Variants in OTOA observed in about 807,000 individuals in gnomAD.
OTOA encodes cancer/testis antigen 108.
In OTOA, 70 loss-of-function variants were observed where a neutral mutation model predicts 110.8. That is an observed-to-expected ratio of 0.63 (90% CI 0.52 to 0.77). The LOEUF (loss-of-function observed/expected upper bound fraction) is 0.77, where lower values mean the gene tolerates loss of function less well. Ranked by LOEUF, OTOA falls within the 30% of genes least tolerant of loss-of-function variation. The pLI is 0.00. For synonymous variants in OTOA, 373 were observed against 431.5 expected, an observed-to-expected ratio of 0.86 and a Z score of 1.68; for missense variants, 917 against 1,075.8, an observed-to-expected ratio of 0.85 and a Z score of 2.06.
At chr16:21,714,562 A>G (rs1434334304) in intron 13 of OTOA, among the ~76,000 whole-genome samples, 1 of 146,266 alleles carries the variant, frequency 6.8e-6, no homozygotes, top group African/African-American at 2.5e-5. Flanking sequence ...CCCAGTCTGG[A>G]GTGCAATGGT....
chr16:21,751,365 A>T (rs1161773065), intron 24 of OTOA, among the ~76,000 whole-genome samples: 3 of 22,622 alleles, frequency 1.3e-4, no homozygotes, highest in Admixed American at 5.3e-4. Flanking sequence ...CCGTCTCTAC[A>T]AAAAATACAA....
intron 17 of OTOA, among the ~76,000 whole-genome samples, chr16:21,722,358 A>ATATAGTTAAGCTATATATAACTATATG (rs983420320): frequency 8.7e-4 from 82 of 94,160 alleles, no homozygotes; most frequent in African/African-American, 1.9e-3. Flanking sequence ...AAAACTATAT[A>ATATAGTTAAGCTATATATAACTATATG]TATAGTTAAG....
chr16:21,760,164 G>A (rs1259767996), intron 28 of OTOA, among the ~76,000 whole-genome samples: 1 of 151,924 alleles, frequency 6.6e-6, no homozygotes, highest in Non-Finnish European at 1.5e-5. Context: ...TCACCTGGGA[G>A]AGATGCTTAA....
intron 17 of OTOA, among the ~76,000 whole-genome samples, chr16:21,722,095 TAC>T (rs1325162172): frequency 1.1e-5 from 1 of 94,270 alleles, no homozygotes; most frequent in Non-Finnish European, 2.1e-5. Flanking sequence ...CCACTAAAAA[TAC>T]AAAAAAAAAA....
intron 13 of OTOA, 42 bp downstream of exon 13, chr16:21,710,145 A>G: frequency 6.5e-7 from 1 of 1,530,302 alleles, no homozygotes; most frequent in Non-Finnish European, 8.9e-7. Context: ...CCCTAAGATG[A>G]CCTAAGTGTA....
chr16:21,700,968 GT>G lies in OTOA; in HGVS notation c.924del (p.Leu309TrpfsTer11). On this transcript the variant is annotated frameshift_variant, in exon 11 of 29. Coordinates refer to ENST00000646100, the MANE Select transcript of OTOA (RefSeq NM_144672.4). LOFTEE classifies it high-confidence loss of function. ...YDITPELAQA[F>X]LERISSSNFN... is the part of the protein sequence containing the mutation. Reference sequence around the variant, plus strand: ...ACATCACACCTGAGCTGGCCCAGGCGTTTCTGGAGAGGATCAGCTCCTCCAA... The same window carrying G: ...ACATCACACCTGAGCTGGCCCAGGCGTTCTGGAGAGGATCAGCTCCTCCAA... The G allele has an allele frequency of 6.2e-7, 1 of 1,614,104 alleles. No individual in the cohort carries two copies. Among genetic ancestry groups the G allele is most frequent in the Non-Finnish European group, 8.5e-7 (1 of 1,180,024 alleles).
At chr16:21,715,733 G>A (rs1244020147) in intron 14 of OTOA, among the ~76,000 whole-genome samples, 2 of 152,028 alleles carry the variant, frequency 1.3e-5, no homozygotes, top group Non-Finnish European at 2.9e-5. Context: ...GCCCAGGCTG[G>A]TCTCCAACTC....
At chr16:21,679,414 T>G (rs1438965541) in intron 5 of OTOA, among the ~76,000 whole-genome samples, 1 of 152,134 alleles carries the variant, frequency 6.6e-6, no homozygotes, top group Non-Finnish European at 1.5e-5. Context: ...TTTTTTTTCT[T>G]TTTTTGAATG....
intron 9 of OTOA, among the ~76,000 whole-genome samples, chr16:21,694,579 A>C (rs1897895000): frequency 6.6e-6 from 1 of 152,168 alleles, no homozygotes; most frequent in African/African-American, 2.4e-5. Context: ...AAGACCTCTC[A>C]AGTGGGTGAC....
At chr16:21,685,769 G>T (rs1370268604) in intron 7 of OTOA, among the ~76,000 whole-genome samples, 2 of 151,782 alleles carry the variant, frequency 1.3e-5, no homozygotes, top group East Asian at 3.9e-4. Context: ...TGCCAGGCTG[G>T]TCTCAAACTC....
At position 21,760,679 on chromosome 16, in the gene OTOA, G is replaced by A. The variant is rs1597875441; in HGVS notation, c.*139G>A. On this transcript the variant is annotated 3_prime_UTR_variant, in exon 29 of 29. Transcript: ENST00000646100. Reference sequence around the variant, plus strand: ...AGGGAAACCCTGGGGCCTTGATGGTGAAAATGCACCCCAAATGAAAAATAA... The same window carrying A: ...AGGGAAACCCTGGGGCCTTGATGGTAAAAATGCACCCCAAATGAAAAATAA... The A allele has an allele frequency of 1.2e-5, 7 of 570,082 alleles. No individual in the cohort carries two copies. In the East Asian group the frequency reaches 2.1e-4, roughly 17 times the overall value. The allele number at this position is 570,082 out of a possible 1,614,324, so 35.3% of individuals were successfully genotyped here. A position where few individuals can be genotyped will look rare whatever the true frequency, so the allele number is the denominator to read the frequency against.
At chr16:21,682,533 G>T (rs932213288) in intron 6 of OTOA, among the ~76,000 whole-genome samples, 1 of 152,206 alleles carries the variant, frequency 6.6e-6, no homozygotes, top group Non-Finnish European at 1.5e-5. Context: ...TAGCACAAGC[G>T]TGTTGATAGG....
chr16:21,728,879 G>C (rs752907241), intron 20 of OTOA, among the ~76,000 whole-genome samples: 11 of 152,020 alleles, frequency 7.2e-5, no homozygotes, highest in Non-Finnish European at 1.3e-4. Context: ...GAGTCACCGC[G>C]CCTGGCCTTG....
At chr16:21,725,672 GC>G (rs1382504226) in intron 18 of OTOA, among the ~76,000 whole-genome samples, 1 of 152,174 alleles carries the variant, frequency 6.6e-6, no homozygotes, top group Non-Finnish European at 1.5e-5. Flanking sequence ...TAGCATAGAG[GC>G]GGAAGAACAT....
chr16:21,732,453 G>A (rs1899146753), intron 21 of OTOA, among the ~76,000 whole-genome samples: 1 of 151,990 alleles, frequency 6.6e-6, no homozygotes, highest in Non-Finnish European at 1.5e-5. Flanking sequence ...AGTATACACT[G>A]CAACATATTT....
chr16:21,708,978 A>C (rs142027608), intron 12 of OTOA, among the ~76,000 whole-genome samples: 2 of 152,206 alleles, frequency 1.3e-5, no homozygotes, highest in African/African-American at 4.8e-5. Context: ...AAGAAGAGTA[A>C]ATTGTGCTTC....
chr16:21,687,713 G>A, intron 8 of OTOA, 65 bp downstream of exon 8: 1 of 1,395,226 alleles, frequency 7.2e-7, no homozygotes, highest in South Asian at 1.2e-5. Context: ...TGTCGCCCAG[G>A]TTGGAGTGCA....
intron 17 of OTOA, chr16:21,721,534 C>G (rs539673744): frequency 7.5e-5 from 34 of 455,146 alleles, no homozygotes; most frequent in Admixed American, 1.4e-4. Context: ...AGGTGAGCAA[C>G]TGTGTTTCAG....
At chr16:21,726,093 T>C (rs4783414) in intron 18 of OTOA, among the ~76,000 whole-genome samples, 21,516 of 152,154 alleles carry the variant, frequency 0.14, 2,087 homozygotes, top group South Asian at 0.28. Context: ...TGTCTCTTTT[T>C]TCATCTACTT....
Sources: allele counts gnomAD v4.1 joint callset (sites outside exome capture counted in the v4.1 genomes callset), GRCh38; gene constraint gnomAD v4.1.1; transcripts MANE v1.5; gene names NCBI Gene and HGNC (gene_info 2026-07-23, HGNC 2026-07-21).